The following ACYP2 variants were observed in gnomAD, a reference collection of about 807,000 sequenced individuals.
ACYP2 encodes the protein acylphosphatase-2.
ACYP2 carries 12 observed loss-of-function variants against 11.2 expected under a neutral mutation model. The observed-to-expected ratio is 1.08, with a 90% confidence interval of 0.69 to 1.74. The LOEUF (loss-of-function observed/expected upper bound fraction) is 1.74, where lower values mean the gene tolerates loss of function less well. Ranked by LOEUF, ACYP2 falls within the 40% of genes most tolerant of loss-of-function variation. The pLI, the probability that ACYP2 is intolerant of heterozygous loss-of-function variation, is 0.00. For missense variants in ACYP2, 134 were observed against 101.9 expected (o/e 1.31, Z -1.35); for synonymous variants, 43 against 32.2 (o/e 1.33, Z -1.13).
intron 6 of ACYP2, among the ~76,000 whole-genome samples, chr2:54,264,478 G>A (rs1225878968): frequency 6.6e-6 from 1 of 152,154 alleles, no homozygotes; most frequent in African/African-American, 2.4e-5. Flanking sequence ...TCACCTCTCA[G>A]ATCCTGCTCA....
At chr2:54,213,845 A>G (rs942744737) in intron 6 of ACYP2, among the ~76,000 whole-genome samples, 2 of 151,348 alleles carry the variant, frequency 1.3e-5, no homozygotes, top group Non-Finnish European at 2.9e-5. Flanking sequence ...GCTGCTCACT[A>G]TAGCCTCAAC....
intron 2 of ACYP2, among the ~76,000 whole-genome samples, chr2:53,990,641 C>A: frequency 7.1e-6 from 1 of 140,412 alleles, no homozygotes. Context: ...AAGAGCAAAA[C>A]TCCGTCTTAC....
chr2:54,063,446 G>A (rs576221461), intron 4 of ACYP2, among the ~76,000 whole-genome samples: 18 of 152,204 alleles, frequency 1.2e-4, no homozygotes, highest in South Asian at 4.2e-4. Context: ...TCCAGGAGGC[G>A]GCCTCTGTGG....
chr2:54,045,913 G>A (rs1175435088), intron 2 of ACYP2, among the ~76,000 whole-genome samples: 4 of 152,100 alleles, frequency 2.6e-5, no homozygotes, highest in Admixed American at 2.6e-4. Flanking sequence ...GCTCAGGCCT[G>A]TAATCCCAGC....
At chr2:54,080,019 G>A (rs940354049) in intron 4 of ACYP2, 10 of 176,544 alleles carry the variant, frequency 5.7e-5, no homozygotes, top group East Asian at 1.3e-4. Context: ...GGTCTAAATC[G>A]AGATGGGAAT....
At chr2:54,092,759 T>C (rs1222593079) in intron 4 of ACYP2, among the ~76,000 whole-genome samples, 2 of 152,162 alleles carry the variant, frequency 1.3e-5, no homozygotes, top group African/African-American at 4.8e-5. Context: ...GCAGGTGGGT[T>C]CCAGTGACAT....
In ACYP2 at chr2:54,259,557, T is replaced by C. The variant is rs986770764; in HGVS notation, c.405-45131T>C. On this transcript the variant is annotated intron_variant, in intron 6 of 6. Coordinates refer to ENST00000607452, the MANE Select transcript of ACYP2 (RefSeq NM_001320586.2). Reference sequence around the variant, plus strand: ...GAAGGTGTTCAGCTGTGTCACAGGGTGCTCACATGTCAGTTAGTATGAGGT... The same window carrying C: ...GAAGGTGTTCAGCTGTGTCACAGGGCGCTCACATGTCAGTTAGTATGAGGT... Among the ~76,000 whole-genome samples the C allele has an allele frequency of 2.0e-5, 3 of 151,388 alleles. No homozygotes were observed. In the Admixed American group the frequency reaches 2.0e-4, roughly 10 times the overall value.
chr2:54,271,547 A>C (rs1301390090), intron 6 of ACYP2, among the ~76,000 whole-genome samples: 1 of 152,100 alleles, frequency 6.6e-6, no homozygotes, highest in African/African-American at 2.4e-5. Context: ...TTTCATCCCA[A>C]ATCAATCATC....
chr2:53,974,928 CACTT>C (rs565532967), intron 2 of ACYP2, among the ~76,000 whole-genome samples: 25 of 152,252 alleles, frequency 1.6e-4, no homozygotes, highest in Non-Finnish European at 3.2e-4. Flanking sequence ...GATGTCAAGA[CACTT>C]ACATGCTGAT....
chr2:54,073,029 A>G (rs1375418709), intron 4 of ACYP2, among the ~76,000 whole-genome samples: 2 of 152,198 alleles, frequency 1.3e-5, no homozygotes, highest in African/African-American at 4.8e-5. Context: ...GGTACTGACA[A>G]AAGGCTAGAC....
intron 2 of ACYP2, among the ~76,000 whole-genome samples, chr2:54,046,458 GC>G (rs1675530037): frequency 6.8e-6 from 1 of 147,360 alleles, no homozygotes; most frequent in South Asian, 2.1e-4. Flanking sequence ...TCGCACTCCA[GC>G]CTGGTGACAG....
At chr2:54,291,424 C>T (rs990039985) in intron 6 of ACYP2, among the ~76,000 whole-genome samples, 1 of 152,206 alleles carries the variant, frequency 6.6e-6, no homozygotes, top group African/African-American at 2.4e-5. Context: ...TGAAGAATTT[C>T]ATGAAGCTCT....
chr2:54,031,962 T>C (rs758720751), intron 2 of ACYP2, among the ~76,000 whole-genome samples: 1 of 152,210 alleles, frequency 6.6e-6, no homozygotes, highest in Non-Finnish European at 1.5e-5. Flanking sequence ...CGCCCACTTT[T>C]TGATGGGGTT....
chr2:54,285,444 A>G (rs1037048816), intron 6 of ACYP2, among the ~76,000 whole-genome samples: 1 of 152,144 alleles, frequency 6.6e-6, no homozygotes, highest in Non-Finnish European at 1.5e-5. Flanking sequence ...ATTAAATATC[A>G]TCTGTAATCA....
rs76289193 is a variant in ACYP2 at position 54,100,701 on chromosome 2, A to C, written c.278-34752A>C. Reference sequence around the variant, plus strand: ...TTGGTCCATGTCAGGAATAGTATTTAAGATATTTAAAACTGTAGTTTGAAT... The same window carrying C: ...TTGGTCCATGTCAGGAATAGTATTTCAGATATTTAAAACTGTAGTTTGAAT... On this transcript the variant is annotated intron_variant, in intron 4 of 6. Transcript: ENST00000607452. Among the ~76,000 whole-genome samples, 1,206 of 152,268 alleles carry C rather than the reference A, an allele frequency of 7.9e-3. 13 individuals carry two copies. Among genetic ancestry groups the C allele is most frequent in the African/African-American group, 0.028 (1,151 of 41,520 alleles).
Position 54,016,794 on chromosome 2 carries a change from C to T in ACYP2, c.63-34164C>T, listed in dbSNP as rs183809823. Among the ~76,000 whole-genome samples, 382 of 148,692 alleles carry T rather than the reference C, an allele frequency of 2.6e-3. 2 individuals are homozygous for T. The highest frequency in any genetic ancestry group is 4.3e-3 in the Non-Finnish European group (291 of 67,594). ...AGGCTGGAGTGCAGTGGCACGATCT[C>T]GGCTCACTGCAAGCTCCGCCTCCTG... On this transcript the variant is annotated intron_variant, in intron 2 of 6. Coordinates refer to ENST00000607452, the MANE Select transcript of ACYP2 (RefSeq NM_001320586.2).
Position 54,201,632 on chromosome 2 carries a change from C to G in ACYP2, c.404+62884C>G, listed in dbSNP as rs200386382. On this transcript the variant is annotated intron_variant, in intron 6 of 6. Transcript: ENST00000607452. ...TCTTTCTTTCTTTCTTTGTTTCTTT[C>G]TTTCTCTTTCTTTCTTTCTTTCTTT... is the stretch of plus-strand genomic sequence containing the variant. Among the ~76,000 whole-genome samples, 120 of 74,358 alleles carry G rather than the reference C, an allele frequency of 1.6e-3. 1 individual carries two copies. Among genetic ancestry groups the G allele is most frequent in the Middle Eastern group, 6.7e-3 (1 of 150 alleles). 48.8% of individuals were successfully genotyped at this position (74,358 alleles called of 152,430 possible).
At chr2:53,993,672 G>C (rs570363651) in intron 2 of ACYP2, among the ~76,000 whole-genome samples, 2 of 151,162 alleles carry the variant, frequency 1.3e-5, no homozygotes, top group Non-Finnish European at 2.9e-5. Context: ...ACTCCAGCCT[G>C]AGCGACAGAG....
Position 54,057,273 on chromosome 2 carries a change from G to A in ACYP2, c.190G>A (p.Gly64Ser), listed in dbSNP as rs371322961. 5.0e-6 allele frequency: 2 copies of A among 397,804 alleles called. No individual in the cohort carries two copies. The highest frequency in any genetic ancestry group is 4.1e-5 in the African/African-American group (2 of 48,552). The allele number at this position is 397,804 out of a possible 1,614,324, so 24.6% of individuals were successfully genotyped here. ...CATACAATTATCAGAGTTTGGTTTT[G>A]GTCAAGTCATAATTGTGAGTGAAGA... is the stretch of plus-strand genomic sequence containing the variant. The change falls in exon 4 of 7, where the codon GGT becomes AGT. Residue 64 changes from glycine to serine, a missense_variant. Gly to Ser is a moderately conservative substitution (Grantham distance 56, BLOSUM62 0). Coordinates refer to ENST00000607452, the MANE Select transcript of ACYP2 (RefSeq NM_001320586.2).
Sources: gnomAD v4.1 joint callset for allele counts (sites outside exome capture counted in the v4.1 genomes callset) on GRCh38, gnomAD v4.1.1 for gene constraint, MANE v1.5 for transcripts, NCBI Gene and HGNC (gene_info 2026-07-23, HGNC 2026-07-21) for gene names.